The following TLR6 variants were observed in gnomAD, a reference collection of about 807,000 sequenced individuals.
TLR6 encodes toll like receptor 6.
Under a neutral mutation model 16.1 loss-of-function variants are expected in TLR6, and 9 were observed. That is an observed-to-expected ratio of 0.56 (90% CI 0.34 to 0.98). The LOEUF (loss-of-function observed/expected upper bound fraction) is 0.98, where lower values mean the gene tolerates loss of function less well. TLR6 is among the 50% of genes least tolerant of loss of function. The pLI is 0.02. For missense variants in TLR6, 786 were observed against 921.0 expected, an observed-to-expected ratio of 0.85 and a Z score of 1.90; for synonymous variants, 340 against 338.6, an observed-to-expected ratio of 1.00 and a Z score of -0.04.
intron 1 of TLR6, among the ~76,000 whole-genome samples, chr4:38,852,026 A>G (rs1472178620): frequency 6.6e-6 from 1 of 152,210 alleles, no homozygotes; most frequent in Admixed American, 6.5e-5. Context: ...TGGTACCAAA[A>G]CAGAGATATA....
intron 1 of TLR6, among the ~76,000 whole-genome samples, chr4:38,848,682 A>G (rs1365686785): frequency 6.6e-6 from 1 of 152,234 alleles, no homozygotes; most frequent in African/African-American, 2.4e-5. Context: ...AGTATCAGTG[A>G]TTGATGATCA....
At chr4:38,858,814 G>GA (rs1234903987), upstream of TLR6, among the ~76,000 whole-genome samples, 2 of 30,478 alleles carry the variant, frequency 6.6e-5, no homozygotes, top group African/African-American at 2.6e-4. Flanking sequence ...AGAGAGAGAG[G>GA]GAGAGAGAGA....
intron 1 of TLR6, among the ~76,000 whole-genome samples, chr4:38,830,874 C>T (rs5743795): frequency 0.15 from 22,943 of 152,078 alleles, 2,307 homozygotes; most frequent in Middle Eastern, 0.4. Context: ...ACTTGCTCTA[C>T]GTTTTGCCCT....
the TLR6 span, among the ~76,000 whole-genome samples, chr4:38,863,603 T>C: frequency 9.2e-5 from 14 of 152,344 alleles, no homozygotes; most frequent in Admixed American, 9.1e-4. Flanking sequence ...ACTAAAATCC[T>C]TGGAGTGATT....
At chr4:38,852,320 G>T (rs1712801707) in intron 1 of TLR6, among the ~76,000 whole-genome samples, 2 of 152,156 alleles carry the variant, frequency 1.3e-5, no homozygotes, top group Admixed American at 1.3e-4. Flanking sequence ...ATAGGCATGG[G>T]CAAGGACTTC....
chr4:38,855,453 G>A (rs1336916508), intron 1 of TLR6, among the ~76,000 whole-genome samples: 1 of 152,032 alleles, frequency 6.6e-6, no homozygotes, highest in African/African-American at 2.4e-5. Context: ...GTTATCGTAA[G>A]GCAATTTAAG....
exon 2 of TLR6, chr4:38,829,345 A>G: frequency 6.2e-7 from 1 of 1,614,156 alleles, no homozygotes; most frequent in Non-Finnish European, 8.5e-7. Flanking sequence ...GAACATGAAT[A>G]AGACCTCTTT....
intron 1 of TLR6, among the ~76,000 whole-genome samples, chr4:38,836,743 A>G (rs571819809): frequency 5.3e-5 from 8 of 152,216 alleles, no homozygotes; most frequent in African/African-American, 1.9e-4. Flanking sequence ...GTTCAAGACA[A>G]GCCTGGCCAA....
intron 1 of TLR6, among the ~76,000 whole-genome samples, chr4:38,847,427 G>C (rs1712575894): frequency 6.6e-6 from 1 of 152,146 alleles, no homozygotes; most frequent in African/African-American, 2.4e-5. Flanking sequence ...GGGCCCGTCG[G>C]ACAGTGGGGG....
exon 2 of TLR6, chr4:38,827,847 T>G (rs1273100102): frequency 6.2e-7 from 1 of 1,614,248 alleles, no homozygotes; most frequent in Non-Finnish European, 8.5e-7. Context: ...TGGTCTATAT[T>G]TTTGACAAAT....
intron 1 of TLR6, among the ~76,000 whole-genome samples, chr4:38,853,283 G>C (rs1158663397): frequency 6.6e-6 from 1 of 150,988 alleles, no homozygotes; most frequent in Non-Finnish European, 1.5e-5. Context: ...TAATGTAAAT[G>C]ACGAGTTAAT....
At chr4:38,865,467 A>G in the TLR6 span, among the ~76,000 whole-genome samples, 2 of 152,148 alleles carry the variant, frequency 1.3e-5, no homozygotes, top group Non-Finnish European at 2.9e-5. Context: ...GTCAAAGGAG[A>G]AGAGGAACTC....
chr4:38,852,652 A>G (rs1712815725), intron 1 of TLR6, among the ~76,000 whole-genome samples: 1 of 151,972 alleles, frequency 6.6e-6, no homozygotes, highest in Non-Finnish European at 1.5e-5. Flanking sequence ...ACTGGCCATC[A>G]GAGAAATGCA....
At chr4:38,828,880 G>A in exon 2 of TLR6, 10 of 1,612,852 alleles carry the variant, frequency 6.2e-6, no homozygotes, top group Non-Finnish European at 7.6e-6. Context: ...CAAGGTGAAG[G>A]GTTTTTGCAT....
upstream of TLR6, among the ~76,000 whole-genome samples, chr4:38,860,656 A>G (rs1182759996): frequency 6.6e-6 from 1 of 152,200 alleles, no homozygotes; most frequent in Non-Finnish European, 1.5e-5. Context: ...TAAAATGACT[A>G]ACAACCCCAA....
chr4:38,836,218 A>G (rs999664261), intron 1 of TLR6, among the ~76,000 whole-genome samples: 12 of 152,124 alleles, frequency 7.9e-5, no homozygotes, highest in Admixed American at 5.2e-4. Flanking sequence ...AACAAAACCA[A>G]TAAACTTTTA....
intron 1 of TLR6, among the ~76,000 whole-genome samples, chr4:38,850,295 C>T (rs1394130511): frequency 6.6e-6 from 1 of 152,148 alleles, no homozygotes; most frequent in Non-Finnish European, 1.5e-5. Flanking sequence ...CTAAAATTGA[C>T]ACCCTAACAT....
chr4:38,854,560 T>C (rs1712895021), intron 1 of TLR6, among the ~76,000 whole-genome samples: 1 of 151,722 alleles, frequency 6.6e-6, no homozygotes, highest in Admixed American at 6.6e-5. Flanking sequence ...ATAGGGAAAA[T>C]TAAAAAATAT....
chr4:38,827,195 T>G (rs772284128), exon 2 of TLR6: 1 of 1,614,216 alleles, frequency 6.2e-7, no homozygotes, highest in Non-Finnish European at 8.5e-7. Flanking sequence ...CCACTGCAAA[T>G]AAGTCCGCTG....
Sources: gnomAD v4.1 joint callset for allele counts (sites outside exome capture counted in the v4.1 genomes callset) on GRCh38, gnomAD v4.1.1 for gene constraint, MANE v1.5 for transcripts, NCBI Gene and HGNC (gene_info 2026-07-23, HGNC 2026-07-21) for gene names.